Variants in ADGRB3 observed in about 807,000 individuals in gnomAD.
The protein encoded by ADGRB3 is brain-specific angiogenesis inhibitor 3.
A neutral mutation model predicts 193.4 loss-of-function variants in ADGRB3; 37 were observed. The observed-to-expected ratio is 0.19, with a 90% CI of 0.15 to 0.25. ADGRB3 has a LOEUF of 0.25. Ranked by LOEUF, ADGRB3 falls within the 10% of genes least tolerant of loss-of-function variation. The pLI is 1.00. For synonymous variants in ADGRB3, 690 were observed against 644.2 expected, an observed-to-expected ratio of 1.07 and a Z score of -1.08; for missense variants, 1,637 against 1,852.9, an observed-to-expected ratio of 0.88 and a Z score of 2.14.
chr6:68,780,067 A>G (rs570995898), intron 3 of ADGRB3, among the ~76,000 whole-genome samples: 1 of 152,194 alleles, frequency 6.6e-6, no homozygotes, highest in South Asian at 2.1e-4. Flanking sequence ...TACATTGCAT[A>G]GCCCCTTTTC....
rs190536581 is a variant in ADGRB3, at chr6:68,907,650, G to A, written c.758-22909G>A. On this transcript the variant is annotated intron_variant, in intron 3 of 31. Coordinates refer to ENST00000370598, the MANE Select transcript of ADGRB3 (RefSeq NM_001704.3). ...ATATTTCTCTCAATGATTTCCCAAT[G>A]TTAATACCTATCTTAATTCCTTGAA... is the stretch of plus-strand genomic sequence containing the variant. Among the ~76,000 whole-genome samples, 348 of 152,024 alleles carry A rather than the reference G, an allele frequency of 2.3e-3. 1 individual carries two copies. Among genetic ancestry groups the A allele is most frequent in the African/African-American group, 8.1e-3 (336 of 41,540 alleles).
chr6:68,637,127 C>G (rs1767977927), intron 1 of ADGRB3, among the ~76,000 whole-genome samples: 1 of 151,986 alleles, frequency 6.6e-6, no homozygotes, highest in African/African-American at 2.4e-5. Flanking sequence ...CCCAGCAGTT[C>G]TGATGTTATT....
rs570081820 is a variant in ADGRB3, at chr6:68,985,488, G to C, written c.1735-8280G>C. Among the ~76,000 whole-genome samples, 36 of 152,188 alleles carry C rather than the reference G, an allele frequency of 2.4e-4. No homozygotes were observed. In the South Asian group the frequency reaches 3.1e-3, roughly 13 times the overall value. On this transcript the variant is annotated intron_variant, in intron 10 of 31. Transcript: ENST00000370598. ...AGGTGATATCTGATTTTCCTCTTCTGGGCATATGGGAGGATTGTACTTCCT... is the reference window on the plus strand; with the variant it reads ...AGGTGATATCTGATTTTCCTCTTCTCGGCATATGGGAGGATTGTACTTCCT...
At position 69,331,936 on chromosome 6, in the gene ADGRB3, TC is replaced by T. The variant is rs1561990004; in HGVS notation, c.3103-985del. 7.1e-6 allele frequency: 7 copies of T among 985,258 alleles called. No individual in the cohort carries two copies. In the South Asian group the frequency reaches 1.9e-4, roughly 26 times the overall value. 61.0% of individuals were successfully genotyped at this position (985,258 alleles called of 1,614,324 possible). A position where few individuals can be genotyped will look rare whatever the true frequency, so the allele number is the denominator to read the frequency against. On this transcript the variant is annotated intron_variant, in intron 23 of 31. Transcript: ENST00000370598. ...TCAGGAAACTATGAAGAGTGACTCT[TC>T]CTAAGTCCATACTTAATAGGTATGT... is the stretch of plus-strand genomic sequence containing the variant.
At chr6:69,208,274 G>A (rs375452417) in intron 17 of ADGRB3, among the ~76,000 whole-genome samples, 1 of 152,158 alleles carries the variant, frequency 6.6e-6, no homozygotes, top group African/African-American at 2.4e-5. Context: ...CCGGTGGTGA[G>A]CATTCATATA....
intron 3 of ADGRB3, among the ~76,000 whole-genome samples, chr6:68,830,639 A>G (rs1326425381): frequency 6.6e-6 from 1 of 152,174 alleles, no homozygotes; most frequent in African/African-American, 2.4e-5. Flanking sequence ...GGAATTGATT[A>G]TCCAGCAGAA....
At chr6:69,367,617 T>C (rs1310392741) in intron 29 of ADGRB3, among the ~76,000 whole-genome samples, 1 of 152,012 alleles carries the variant, frequency 6.6e-6, no homozygotes, top group African/African-American at 2.4e-5. Context: ...TGGCCAGTGA[T>C]GATGAGCATT....
intron 17 of ADGRB3, among the ~76,000 whole-genome samples, chr6:69,085,940 T>C (rs1438569543): frequency 1.3e-5 from 2 of 151,860 alleles, no homozygotes; most frequent in Non-Finnish European, 2.9e-5. Context: ...TTGGAGACCA[T>C]TGAGGAAAAG....
chr6:69,053,426 T>C (rs1023894290), intron 15 of ADGRB3, among the ~76,000 whole-genome samples: 9 of 152,220 alleles, frequency 5.9e-5, no homozygotes, highest in African/African-American at 2.2e-4. Flanking sequence ...TTTTAAGCAA[T>C]ACAAACCATA....
At chr6:68,949,745 G>C (rs1195674559) in intron 6 of ADGRB3, among the ~76,000 whole-genome samples, 1 of 151,892 alleles carries the variant, frequency 6.6e-6, no homozygotes, top group Non-Finnish European at 1.5e-5. Context: ...AATTATATTT[G>C]TTTTATGTCA....
At chr6:69,354,043 A>C (rs2127327504) in intron 26 of ADGRB3, among the ~76,000 whole-genome samples, 190 bp from the exon 27 acceptor site, 1 of 152,334 alleles carries the variant, frequency 6.6e-6, no homozygotes, top group African/African-American at 2.4e-5. Flanking sequence ...AGCCTGGGCA[A>C]CAAGAGTGAA....
At chr6:68,679,406 C>T (rs967341408) in intron 3 of ADGRB3, among the ~76,000 whole-genome samples, 2 of 152,056 alleles carry the variant, frequency 1.3e-5, no homozygotes, top group African/African-American at 4.8e-5. Context: ...GGAACGCTTG[C>T]ACAGAAGGCA....
At chr6:68,831,136 G>A (rs1313202129) in intron 3 of ADGRB3, among the ~76,000 whole-genome samples, 1 of 151,808 alleles carries the variant, frequency 6.6e-6, no homozygotes, top group Non-Finnish European at 1.5e-5. Context: ...CATTACGGTA[G>A]GGAAAGGAAT....
intron 8 of ADGRB3, among the ~76,000 whole-genome samples, chr6:68,969,900 T>C (rs1768508405): frequency 6.6e-6 from 1 of 152,210 alleles, no homozygotes. Flanking sequence ...ATCATTTCAC[T>C]TTTTTAGAAC....
chr6:69,100,924 A>AGAAG (rs1773030201), intron 17 of ADGRB3, among the ~76,000 whole-genome samples: 1 of 14,120 alleles, frequency 7.1e-5, no homozygotes, highest in African/African-American at 4.8e-4. Context: ...GAAGGAAGGA[A>AGAAG]GGAGGGAGGG....
chr6:68,815,905 A>T (rs1456510729), intron 3 of ADGRB3, among the ~76,000 whole-genome samples: 1 of 152,028 alleles, frequency 6.6e-6, no homozygotes, highest in Non-Finnish European at 1.5e-5. Context: ...ATAAAACTTT[A>T]TATCTTAAAT....
chr6:69,037,475 A>C (rs974731777), intron 13 of ADGRB3, among the ~76,000 whole-genome samples: 6 of 144,358 alleles, frequency 4.2e-5, no homozygotes, highest in Admixed American at 4.1e-4. Flanking sequence ...TTGTCAACTC[A>C]TGCTATAGAG....
chr6:68,683,717 G>A (rs1198359043), intron 3 of ADGRB3, among the ~76,000 whole-genome samples: 3 of 152,162 alleles, frequency 2.0e-5, no homozygotes, highest in Non-Finnish European at 4.4e-5. Context: ...AGGACTAATG[G>A]AAGATTGTGA....
At chr6:68,738,847 T>C (rs1254275432) in intron 3 of ADGRB3, among the ~76,000 whole-genome samples, 1 of 152,102 alleles carries the variant, frequency 6.6e-6, no homozygotes, top group Non-Finnish European at 1.5e-5. Context: ...TCAGTGGATA[T>C]TTACAGTTAC....
Sources: gnomAD v4.1 joint callset for allele counts (sites outside exome capture counted in the v4.1 genomes callset) on GRCh38, gnomAD v4.1.1 for gene constraint, MANE v1.5 for transcripts, NCBI Gene and HGNC (gene_info 2026-07-23, HGNC 2026-07-21) for gene names.